GLIS3: variants seen among roughly 807,000 people sequenced by gnomAD.
The protein encoded by GLIS3 is zinc finger protein GLIS3.
GLIS3 carries 53 observed loss-of-function variants against 78.6 expected under a neutral mutation model. That is an observed-to-expected ratio of 0.67 (90% CI 0.54 to 0.85). GLIS3 has a LOEUF of 0.85. Ranked by LOEUF, GLIS3 falls within the 40% of genes least tolerant of loss-of-function variation. The probability of loss-of-function intolerance (pLI) is 0.00; values close to 1 mark genes in which losing one functional copy is unlikely to be tolerated. For synonymous variants in GLIS3, 684 were observed against 509.9 expected (o/e 1.34, Z -4.60); for missense variants, 1,703 against 1,231.1 (o/e 1.38, Z -5.74).
the GLIS3 span, among the ~76,000 whole-genome samples, chr9:4,402,387 T>C: frequency 1.4e-4 from 22 of 152,134 alleles, no homozygotes; most frequent in African/African-American, 4.8e-4. Context: ...AAGATTACAA[T>C]AAGTACCAAA....
At chr9:4,378,901 C>G in the GLIS3 span, among the ~76,000 whole-genome samples, 1 of 152,286 alleles carries the variant, frequency 6.6e-6, no homozygotes, top group Non-Finnish European at 1.5e-5. Context: ...TGAGGTACAT[C>G]TGAGCCCCCA....
chr9:4,332,596 C>T (rs75299296), intron 2 of GLIS3, among the ~76,000 whole-genome samples: 3,078 of 152,332 alleles, frequency 0.02, 111 homozygotes, highest in African/African-American at 0.07. Context: ...ACCAGCCCAC[C>T]TGGGGCTCTG....
At chr9:4,144,108 G>A (rs1278523800) in intron 2 of GLIS3, among the ~76,000 whole-genome samples, 1 of 152,124 alleles carries the variant, frequency 6.6e-6, no homozygotes, top group Non-Finnish European at 1.5e-5. Context: ...TGGACCTCAG[G>A]GGAGAAGGCA....
chr9:4,416,250 T>TA, the GLIS3 span, among the ~76,000 whole-genome samples: 1 of 114,340 alleles, frequency 8.7e-6, no homozygotes, highest in Non-Finnish European at 1.6e-5. Flanking sequence ...AGACACTGTT[T>TA]TTAAAAAAAA....
chr9:3,908,238 GTCC>G (rs1303019896), intron 6 of GLIS3, among the ~76,000 whole-genome samples: 1 of 152,182 alleles, frequency 6.6e-6, no homozygotes, highest in Non-Finnish European at 1.5e-5. Context: ...AAGGGGCAAC[GTCC>G]TCATCTTGGT....
At chr9:4,350,905 G>A (rs1817962672), upstream of GLIS3, among the ~76,000 whole-genome samples, 1 of 151,976 alleles carries the variant, frequency 6.6e-6, no homozygotes, top group Non-Finnish European at 1.5e-5. Flanking sequence ...GTAATTTTGG[G>A]GCCCAGTTCA....
chr9:4,171,097 T>C (rs997753471), intron 2 of GLIS3, among the ~76,000 whole-genome samples: 3 of 152,222 alleles, frequency 2.0e-5, no homozygotes, highest in Admixed American at 2.0e-4. Context: ...GAGTATCACC[T>C]GTAAGTCATA....
chr9:4,349,234 G>A (rs1217526391), upstream of GLIS3, among the ~76,000 whole-genome samples: 2 of 152,174 alleles, frequency 1.3e-5, no homozygotes, highest in African/African-American at 4.8e-5. Flanking sequence ...GGTGTTGTCA[G>A]TGGCACTGGT....
chr9:3,870,277 C>T (rs1265336784), intron 8 of GLIS3, among the ~76,000 whole-genome samples: 1 of 152,126 alleles, frequency 6.6e-6, no homozygotes, highest in East Asian at 1.9e-4. Context: ...TGGAATAAAA[C>T]AAGAATTCAA....
intron 2 of GLIS3, among the ~76,000 whole-genome samples, chr9:4,212,670 A>C (rs1482431753): frequency 1.3e-5 from 2 of 152,226 alleles, no homozygotes; most frequent in African/African-American, 4.8e-5. Flanking sequence ...GATGAGGCCA[A>C]AGGAAAAGAG....
chr9:3,840,395 A>C (rs1182368976), intron 9 of GLIS3, among the ~76,000 whole-genome samples: 1 of 152,158 alleles, frequency 6.6e-6, no homozygotes, highest in East Asian at 1.9e-4. Flanking sequence ...GAGTCTACTA[A>C]GCATCCTCCT....
chr9:4,300,803 T>C (rs1477965014), upstream of GLIS3, among the ~76,000 whole-genome samples: 1 of 151,956 alleles, frequency 6.6e-6, no homozygotes, highest in East Asian at 1.9e-4. Flanking sequence ...GTTCATCACA[T>C]GTATTGCCAC....
At chr9:3,871,467 C>G (rs947138677) in intron 8 of GLIS3, among the ~76,000 whole-genome samples, 1 of 152,204 alleles carries the variant, frequency 6.6e-6, no homozygotes, top group Non-Finnish European at 1.5e-5. Context: ...CTGCAGCAAA[C>G]TTCTGCCTGG....
intron 1 of GLIS3, among the ~76,000 whole-genome samples, chr9:4,289,028 A>T (rs1158258115): frequency 6.6e-6 from 1 of 152,198 alleles, no homozygotes; most frequent in Non-Finnish European, 1.5e-5. Context: ...AGGCCATATG[A>T]TGAAGATATA....
intron 2 of GLIS3, among the ~76,000 whole-genome samples, chr9:4,316,444 TATC>T (rs934999941): frequency 2.6e-5 from 4 of 152,244 alleles, no homozygotes; most frequent in African/African-American, 9.6e-5. Flanking sequence ...GGTCCTTAAA[TATC>T]ATCATTTCAT....
intron 8 of GLIS3, 88 bp from the exon 9 acceptor site, chr9:3,856,272 A>G: frequency 8.5e-7 from 1 of 1,170,684 alleles, no homozygotes; most frequent in Non-Finnish European, 1.2e-6. Flanking sequence ...CTCACCTCCC[A>G]TTCTGGCTAT....
Position 3,937,065 on chromosome 9 carries a change from C to A in GLIS3, c.1835G>T (p.Ser612Ile). ...CGTCCGCTGGTGTTTGGCGCGGTCA[C>A]TGGAGTTACTGAAGGCCTTCTGACA... ...PGCQKAFSNS[S>I]DRAKHQRTHL... Residue 612 changes from serine (S) to isoleucine (I), a missense_variant, in exon 5 of 11, where the codon AGT becomes ATT. By Grantham distance (142) the Ser-to-Ile change is moderately radical (BLOSUM62 -2). Transcript: ENST00000381971. The A allele has an allele frequency of 6.2e-7, 1 of 1,613,574 alleles. No individual in the cohort carries two copies. The highest frequency in any genetic ancestry group is 8.5e-7 in the Non-Finnish European group (1 of 1,180,008).
chr9:4,285,367 A>G (rs1033590076), intron 2 of GLIS3, among the ~76,000 whole-genome samples: 1 of 152,192 alleles, frequency 6.6e-6, no homozygotes, highest in African/African-American at 2.4e-5. Context: ...TTAAAACACT[A>G]ATGAATTAAA....
At chr9:3,929,479 C>A (rs1825481018) in intron 6 of GLIS3, among the ~76,000 whole-genome samples, 1 of 152,092 alleles carries the variant, frequency 6.6e-6, no homozygotes, top group African/African-American at 2.4e-5. Flanking sequence ...TTATGAGATC[C>A]CGACCCCTCC....
Sources: allele counts gnomAD v4.1 joint callset (sites outside exome capture counted in the v4.1 genomes callset), GRCh38; gene constraint gnomAD v4.1.1; transcripts MANE v1.5; gene names NCBI Gene and HGNC (gene_info 2026-07-23, HGNC 2026-07-21).